ECSIT: variants seen among roughly 807,000 people sequenced by gnomAD.
ECSIT encodes the protein ECSIT signaling integrator.
ECSIT carries 29 observed loss-of-function variants against 36.8 expected under a neutral mutation model. The ratio of observed to expected loss-of-function variants is 0.79; its 90% confidence interval spans 0.59 to 1.08. The LOEUF (loss-of-function observed/expected upper bound fraction) is 1.08. Ranked by LOEUF, ECSIT falls within the 50% of genes least tolerant of loss-of-function variation. The pLI is 0.00. For missense variants in ECSIT, 542 were observed against 581.0 expected, an observed-to-expected ratio of 0.93 and a Z score of 0.69; for synonymous variants, 231 against 234.8, an observed-to-expected ratio of 0.98 and a Z score of 0.15.
Position 11,513,930 on chromosome 19 carries a change from T to G in ECSIT, c.388A>C (p.Asn130His). The G allele has an allele frequency of 6.2e-7, 1 of 1,614,168 alleles. No individual in the cohort carries two copies. The highest frequency in any genetic ancestry group is 1.1e-5 in the South Asian group (1 of 91,082). The change falls in exon 3 of 8, where the codon AAC (asparagine) becomes CAC (histidine). Residue 130 changes from asparagine to histidine, a missense_variant. By Grantham distance (68) the Asn-to-His change is moderately conservative. Transcript: ENST00000270517. Reference protein sequence around the residue: ...YGVERDLAVYNQLLNIFPKEV... With the variant: ...YGVERDLAVYHQLLNIFPKEV... The stretch of plus-strand genomic sequence containing the variant: ...TTGGGGAAGATGTTGAGCAGCTGGT[T>G]GTACACAGCCAGGTCCCGCTCGACA...
chr19:11,513,778 A>C, intron 3 of ECSIT, 26 bp downstream of exon 3: 2 of 1,613,070 alleles, frequency 1.2e-6, no homozygotes, highest in Non-Finnish European at 1.7e-6. Flanking sequence ...CCCACTCCCC[A>C]CCCTGCGCCA....
rs34929827 is a variant in ECSIT, at chr19:11,508,383, A to ATTTTTTTTTTTTTTTTTTT, written c.739-336_739-335insAAAAAAAAAAAAAAAAAAA. Among the ~76,000 whole-genome samples, 53 of 124,048 alleles carry ATTTTTTTTTTTTTTTTTTT rather than the reference A, an allele frequency of 4.3e-4. 4 individuals are homozygous for ATTTTTTTTTTTTTTTTTTT. The highest frequency in any genetic ancestry group is 1.5e-3 in the African/African-American group (41 of 27,692). 81.4% of individuals were successfully genotyped at this position (124,048 alleles called of 152,430 possible). A position where few individuals can be genotyped will look rare whatever the true frequency, so the allele number is the denominator to read the frequency against. On this transcript the variant is annotated intron_variant, in intron 4 of 7. Transcript: ENST00000270517. ...GGGATGATAACAGCACTTAATTCCG[A>ATTTTTTTTTTTTTTTTTTT]TTTTTTTTTTTTTTTTAGGGATGGG...
Position 11,513,791 on chromosome 19 carries a change from C to T in ECSIT, c.514+13G>A. ...AGCCCACTCCCCACCCTGCGCCAGC[C>T]TCCTGGCCTCACCGTGGTTCTCCAT... On this transcript the variant is annotated intron_variant, in intron 3 of 7. Coordinates refer to ENST00000270517, the MANE Select transcript of ECSIT (RefSeq NM_016581.5). 1 of 1,613,788 alleles carries T rather than the reference C, an allele frequency of 6.2e-7. No homozygotes were observed. The highest frequency in any genetic ancestry group is 8.5e-7 in the Non-Finnish European group (1 of 1,180,010).
intron 2 of ECSIT, 142 bp from the exon 3 acceptor site, chr19:11,514,363 C>T (rs1026820284): frequency 5.0e-5 from 39 of 786,650 alleles, no homozygotes; most frequent in Non-Finnish European, 6.1e-5. Context: ...ACCCAAGATT[C>T]GAGGCCATTA....
At chr19:11,516,653 T>TA (rs1450616295) in intron 2 of ECSIT, among the ~76,000 whole-genome samples, 1 of 150,084 alleles carries the variant, frequency 6.7e-6, no homozygotes, top group African/African-American at 2.5e-5. Context: ...ACCTTATCTC[T>TA]AAAAAATAAA....
chr19:11,520,133 T>C (rs939479496), intron 1 of ECSIT, among the ~76,000 whole-genome samples: 1 of 152,046 alleles, frequency 6.6e-6, no homozygotes, highest in African/African-American at 2.4e-5. Flanking sequence ...TCACAAGTGC[T>C]CCTTTATGAT....
At chr19:11,528,396 C>A (rs1479726296) in intron 1 of ECSIT, among the ~76,000 whole-genome samples, 1 of 152,132 alleles carries the variant, frequency 6.6e-6, no homozygotes, top group Non-Finnish European at 1.5e-5. Context: ...GGACTACAGG[C>A]GTGCACCACT....
chr19:11,515,503 C>G (rs994626254), intron 2 of ECSIT, among the ~76,000 whole-genome samples: 7 of 152,056 alleles, frequency 4.6e-5, no homozygotes, highest in Admixed American at 2.0e-4. Context: ...GTCGCCCAGG[C>G]TGGAATGCAA....
At chr19:11,525,902 C>T (rs893256889) in intron 1 of ECSIT, among the ~76,000 whole-genome samples, 14 of 151,290 alleles carry the variant, frequency 9.3e-5, no homozygotes, top group Admixed American at 7.2e-4. Flanking sequence ...GCAACAAGAG[C>T]GAAACTCCAT....
In ECSIT at chr19:11,507,689, T is replaced by A; in HGVS notation, c.945+13A>T. The A allele has an allele frequency of 2.5e-6, 4 of 1,614,014 alleles. No homozygotes were observed. Among genetic ancestry groups the A allele is most frequent in the Non-Finnish European group, 2.5e-6 (3 of 1,179,964 alleles). ...TCCCCAGCCCCAACACATGCTTTGC[T>A]TTAAGCCCTCACCCTCTCCTCCGGG... is the stretch of plus-strand genomic sequence containing the variant. On this transcript the variant is annotated intron_variant, in intron 6 of 7. Transcript: ENST00000270517.
chr19:11,516,859 A>C (rs1446370355), intron 2 of ECSIT, among the ~76,000 whole-genome samples: 1 of 151,882 alleles, frequency 6.6e-6, no homozygotes, highest in Non-Finnish European at 1.5e-5. Flanking sequence ...GTCTACAAAA[A>C]AATACAAAAA....
intron 2 of ECSIT, among the ~76,000 whole-genome samples, chr19:11,515,346 G>A (rs954492886): frequency 6.6e-5 from 10 of 151,912 alleles, no homozygotes; most frequent in South Asian, 2.1e-4. Context: ...CTCGTGATCC[G>A]CCCGCCTTGG....
rs772211646 is a variant in ECSIT at position 11,506,425 on chromosome 19, T to G, written c.1055A>C (p.Glu352Ala). The change falls in exon 8 of 8, where the codon GAG (glutamate) becomes GCG (alanine). Residue 352 changes from glutamate to alanine, a missense_variant. Physicochemically the swap from Glu to Ala is moderately radical, Grantham distance 107. Transcript: ENST00000270517. ...DNYEFDINEV[E>A]EGPVFAMCMA... Reference sequence around the variant, plus strand: ...GCACATGGCGAAGACAGGGCCTTCCTCCACTGTTGGAAGACATGCACCCTT... The same window carrying G: ...GCACATGGCGAAGACAGGGCCTTCCGCCACTGTTGGAAGACATGCACCCTT... 69 of 1,610,138 alleles carry G rather than the reference T, an allele frequency of 4.3e-5. No individual in the cohort carries two copies. In the Admixed American group the frequency reaches 6.5e-4, roughly 15 times the overall value.
intron 4 of ECSIT, among the ~76,000 whole-genome samples, chr19:11,512,030 CAAA>C (rs367895124): frequency 7.1e-6 from 1 of 139,996 alleles, no homozygotes; most frequent in African/African-American, 2.7e-5. Context: ...GACTCCATCT[CAAA>C]AAAAAAACAA....
chr19:11,520,529 T>C (rs1972082745), intron 1 of ECSIT, among the ~76,000 whole-genome samples: 2 of 151,790 alleles, frequency 1.3e-5, no homozygotes, highest in Non-Finnish European at 2.9e-5. Context: ...ATTATTTTTA[T>C]TTTTAGACAG....
chr19:11,519,068 T>C lies in ECSIT; in HGVS notation c.96+7A>G. On this transcript the variant is annotated splice_region_variant and intron_variant, in intron 2 of 7. Coordinates refer to ENST00000270517, the MANE Select transcript of ECSIT (RefSeq NM_016581.5). This position sits in a 1 kb window ranked among gnomAD's most constrained non-coding sequence, Gnocchi z 4.4. The stretch of plus-strand genomic sequence containing the variant: ...TCTACCCAAAAGACTGCCTGGCTGG[T>C]GCTTACCTGAGAGATGGAGGTTCCT... 1 of 1,551,180 alleles carries C rather than the reference T, an allele frequency of 6.4e-7. No homozygotes were observed. Among genetic ancestry groups the C allele is most frequent in the Non-Finnish European group, 8.7e-7 (1 of 1,146,602 alleles).
At chr19:11,514,983 C>T (rs547939807) in intron 2 of ECSIT, among the ~76,000 whole-genome samples, 11 of 151,824 alleles carry the variant, frequency 7.2e-5, no homozygotes, top group Admixed American at 2.6e-4. Context: ...GGACTACAGA[C>T]GTGCTCCACC....
Position 11,506,286 on chromosome 19 carries a change from C to T in ECSIT, c.1194G>A (p.Arg398=), listed in dbSNP as rs759735168. ...GCCCTGCAGAGGATGTCTGGAGCTC[C>T]CGGGTGGACCCGGCGAGGCGGAAGA... The part of the protein sequence containing the change: ...PVVFRLAGST[R]ELQTSSAGLE... Residue 398 remains arginine (R), a synonymous_variant, in exon 8 of 8, where the codon CGG becomes CGA. Transcript: ENST00000270517. The T allele has an allele frequency of 1.9e-6, 3 of 1,612,606 alleles. No individual in the cohort carries two copies. Among genetic ancestry groups the T allele is most frequent in the South Asian group, 1.1e-5 (1 of 91,084 alleles).
intron 1 of ECSIT, chr19:11,522,312 C>A: frequency 1.5e-6 from 1 of 674,054 alleles, no homozygotes; most frequent in South Asian, 1.6e-5. Flanking sequence ...ACATGGGCGC[C>A]CGGTACCCCA....
Sources: gnomAD v4.1 joint callset for allele counts (sites outside exome capture counted in the v4.1 genomes callset) on GRCh38, gnomAD v4.1.1 for gene constraint, Gnocchi (gnomAD v3.1) non-coding constraint, MANE v1.5 for transcripts, NCBI Gene and HGNC (gene_info 2026-07-23, HGNC 2026-07-21) for gene names.